AMPH: variants seen among roughly 807,000 people sequenced by gnomAD.
AMPH encodes the protein amphiphysin.
A neutral mutation model predicts 99.1 loss-of-function variants in AMPH; 49 were observed. The observed-to-expected ratio is 0.49, with a 90% CI of 0.39 to 0.63. AMPH has a LOEUF of 0.63. AMPH is among the 20% of genes least tolerant of loss of function. The pLI is 0.00. For missense variants in AMPH, 759 were observed against 863.4 expected (o/e 0.88, Z 1.52); for synonymous variants, 314 against 317.3 (o/e 0.99, Z 0.11).
At chr7:38,562,913 T>G (rs974159550) in intron 1 of AMPH, among the ~76,000 whole-genome samples, 2 of 152,178 alleles carry the variant, frequency 1.3e-5, no homozygotes, top group African/African-American at 4.8e-5. Flanking sequence ...ACAGCTTACC[T>G]GAATGTTTCT....
intron 17 of AMPH, among the ~76,000 whole-genome samples, chr7:38,406,712 T>TCCTCTCTC (rs1562732225): frequency 1.2e-3 from 145 of 119,642 alleles, no homozygotes; most frequent in Non-Finnish European, 1.9e-3. Context: ...CTCTCTCCTC[T>TCCTCTCTC]CCTCTCTCTC....
chr7:38,475,660 C>T (rs1193165114), intron 6 of AMPH, among the ~76,000 whole-genome samples: 3 of 152,136 alleles, frequency 2.0e-5, no homozygotes, highest in African/African-American at 7.2e-5. Context: ...ATTTATTCTA[C>T]AAAAATGTGT....
intron 3 of AMPH, 26 bp downstream of exon 3, chr7:38,503,624 T>A (rs751563469): frequency 1.2e-6 from 2 of 1,609,498 alleles, no homozygotes; most frequent in Non-Finnish European, 1.7e-6. Context: ...CTAAGTAACA[T>A]GCAGTAAACA....
intron 17 of AMPH, among the ~76,000 whole-genome samples, chr7:38,407,072 ATATATGTGTGTGTG>A (rs1255738953): frequency 1.6e-4 from 5 of 32,150 alleles, no homozygotes; most frequent in African/African-American, 2.1e-4. Flanking sequence ...ATATATATAT[ATATATGTGTGTGTG>A]TGTGTGTGTG....
intron 1 of AMPH, among the ~76,000 whole-genome samples, chr7:38,582,526 C>G (rs1792504167): frequency 6.6e-6 from 1 of 152,178 alleles, no homozygotes; most frequent in Non-Finnish European, 1.5e-5. Flanking sequence ...TCAAAGATTC[C>G]ATGACATATA....
At chr7:38,483,325 G>A (rs1025789082) in intron 5 of AMPH, among the ~76,000 whole-genome samples, 2 of 151,826 alleles carry the variant, frequency 1.3e-5, no homozygotes, top group Non-Finnish European at 1.5e-5. Flanking sequence ...AAACAAATAA[G>A]CAAATAAAAA....
At chr7:38,621,999 A>C (rs1190082174) in intron 1 of AMPH, among the ~76,000 whole-genome samples, 1 of 152,186 alleles carries the variant, frequency 6.6e-6, no homozygotes, top group Admixed American at 6.5e-5. Flanking sequence ...GAAAATCGTG[A>C]TTATTATCAC....
chr7:38,417,228 T>C (rs1382975837), intron 17 of AMPH, among the ~76,000 whole-genome samples: 1 of 152,102 alleles, frequency 6.6e-6, no homozygotes, highest in African/African-American at 2.4e-5. Context: ...CTGCATGGAT[T>C]AGGGTAAGAG....
At chr7:38,521,154 T>TA (rs368427622) in intron 2 of AMPH, among the ~76,000 whole-genome samples, 113 of 123,676 alleles carry the variant, frequency 9.1e-4, no homozygotes, top group African/African-American at 3.5e-3. Context: ...CCAAGTCATG[T>TA]AAATATATAT....
chr7:38,459,049 C>T (rs1278547522), intron 11 of AMPH, among the ~76,000 whole-genome samples: 3 of 151,820 alleles, frequency 2.0e-5, no homozygotes, highest in Non-Finnish European at 4.4e-5. Flanking sequence ...AAAAAATCAA[C>T]ATACAAAAAT....
chr7:38,605,039 G>A (rs1584296032), intron 1 of AMPH, among the ~76,000 whole-genome samples: 2 of 151,994 alleles, frequency 1.3e-5, no homozygotes, highest in Admixed American at 1.3e-4. Context: ...ACAAATTTCT[G>A]TGGCAAAGAT....
chr7:38,589,757 T>C (rs1408084395), intron 1 of AMPH, among the ~76,000 whole-genome samples: 1 of 152,200 alleles, frequency 6.6e-6, no homozygotes, highest in Non-Finnish European at 1.5e-5. Flanking sequence ...AAGTTTAGTT[T>C]GGCGTAAACA....
intron 1 of AMPH, among the ~76,000 whole-genome samples, chr7:38,629,488 C>T (rs1296516733): frequency 1.3e-5 from 2 of 152,084 alleles, no homozygotes; most frequent in African/African-American, 4.8e-5. Flanking sequence ...TGACCTTGAT[C>T]GTGAAAAAGT....
At chr7:38,575,850 T>C (rs1792220036) in intron 1 of AMPH, among the ~76,000 whole-genome samples, 1 of 152,220 alleles carries the variant, frequency 6.6e-6, no homozygotes, top group African/African-American at 2.4e-5. Flanking sequence ...TTTCATTCTA[T>C]TCCTAAGGGG....
chr7:38,448,577 A>G (rs1455216560), intron 11 of AMPH, among the ~76,000 whole-genome samples: 1 of 152,210 alleles, frequency 6.6e-6, no homozygotes, highest in East Asian at 1.9e-4. Flanking sequence ...GTGAATGTGA[A>G]TATAGTCTCT....
chr7:38,440,898 G>A (rs1786480821), intron 11 of AMPH, among the ~76,000 whole-genome samples: 1 of 152,058 alleles, frequency 6.6e-6, no homozygotes, highest in South Asian at 2.1e-4. Context: ...TGATCAATGT[G>A]CTAGATTTAA....
chr7:38,608,129 C>A (rs145331905), intron 1 of AMPH, among the ~76,000 whole-genome samples: 1 of 152,174 alleles, frequency 6.6e-6, no homozygotes, highest in African/African-American at 2.4e-5. Flanking sequence ...AGAGCCACCA[C>A]GCCTGGCCCT....
At chr7:38,600,811 G>T (rs1401700885) in intron 1 of AMPH, among the ~76,000 whole-genome samples, 1 of 152,116 alleles carries the variant, frequency 6.6e-6, no homozygotes, top group Non-Finnish European at 1.5e-5. Context: ...GTTAGCTTTG[G>T]CTGGGTGTTC....
chr7:38,394,594 T>C (rs1784611136), intron 17 of AMPH, among the ~76,000 whole-genome samples: 1 of 152,162 alleles, frequency 6.6e-6, no homozygotes, highest in South Asian at 2.1e-4. Context: ...GAAATAAAAT[T>C]GAATCTCGGG....
Sources: allele counts gnomAD v4.1 joint callset (sites outside exome capture counted in the v4.1 genomes callset), GRCh38; gene constraint gnomAD v4.1.1; transcripts MANE v1.5; gene names NCBI Gene and HGNC (gene_info 2026-07-23, HGNC 2026-07-21).